The following PLEKHA5 variants were observed in gnomAD, a reference collection of about 807,000 sequenced individuals.
The protein encoded by PLEKHA5 is pleckstrin homology domain containing A5, also known as pleckstrin homology domain-containing family A member 5.
A neutral mutation model predicts 181.9 loss-of-function variants in PLEKHA5; 55 were observed. The ratio of observed to expected loss-of-function variants is 0.30; its 90% CI spans 0.24 to 0.38. The LOEUF (loss-of-function observed/expected upper bound fraction) is 0.38, where lower values mean the gene tolerates loss of function less well. Among genes scored for constraint, PLEKHA5 ranks in the 10% least tolerant of loss-of-function variants. The pLI is 1.00. For synonymous variants in PLEKHA5, 535 were observed against 529.4 expected, an observed-to-expected ratio of 1.01 and a Z score of -0.15; for missense variants, 1,432 against 1,549.5, an observed-to-expected ratio of 0.92 and a Z score of 1.27.
intron 28 of PLEKHA5, among the ~76,000 whole-genome samples, chr12:19,359,969 C>CAA (rs565963117): frequency 2.2e-5 from 3 of 133,548 alleles, no homozygotes; most frequent in African/African-American, 8.3e-5. Context: ...GACTCCATCT[C>CAA]AAAAAAAAAA....
At chr12:19,237,685 A>ATTTAAAGAAATTAAGAAGTTTCTTAATTT (rs1328197248) in intron 3 of PLEKHA5, among the ~76,000 whole-genome samples, 4 of 152,028 alleles carry the variant, frequency 2.6e-5, no homozygotes, top group African/African-American at 7.2e-5. Flanking sequence ...TTTATTTAGC[A>ATTTAAAGAAATTAAGAAGTTTCTTAATTT]TTTAAAGAAA....
At chr12:19,345,230 T>C (rs902532469) in intron 22 of PLEKHA5, among the ~76,000 whole-genome samples, 1 of 151,344 alleles carries the variant, frequency 6.6e-6, no homozygotes, top group Admixed American at 6.6e-5. Flanking sequence ...TGAGACCCCA[T>C]CTCTACTAAA....
chr12:19,210,951 A>G (rs1170563150), intron 3 of PLEKHA5, among the ~76,000 whole-genome samples: 3 of 152,134 alleles, frequency 2.0e-5, no homozygotes, highest in African/African-American at 7.2e-5. Context: ...CTATTTATAA[A>G]TTTTAACAAT....
intron 3 of PLEKHA5, among the ~76,000 whole-genome samples, chr12:19,158,071 G>A (rs2042162663): frequency 6.6e-6 from 1 of 152,064 alleles, no homozygotes; most frequent in Non-Finnish European, 1.5e-5. Flanking sequence ...GGCGGGTGCT[G>A]GGATTACAGG....
At chr12:19,284,357 C>T (rs997871815) in intron 12 of PLEKHA5, among the ~76,000 whole-genome samples, 1 of 152,156 alleles carries the variant, frequency 6.6e-6, no homozygotes, top group East Asian at 1.9e-4. Flanking sequence ...GTGTGAGCCA[C>T]TGTGCCTGGC....
chr12:19,227,500 GTTCC>G (rs748930819), intron 3 of PLEKHA5, among the ~76,000 whole-genome samples: 5 of 152,044 alleles, frequency 3.3e-5, no homozygotes, highest in Admixed American at 6.5e-5. Context: ...TGGAATCAGA[GTTCC>G]TTCCATTTTC....
At chr12:19,305,623 C>T (rs1592406917) in intron 15 of PLEKHA5, among the ~76,000 whole-genome samples, 1 of 151,180 alleles carries the variant, frequency 6.6e-6, no homozygotes, top group African/African-American at 2.4e-5. Context: ...CTTTGGGAGG[C>T]CAAGGCGGAC....
intron 3 of PLEKHA5, among the ~76,000 whole-genome samples, chr12:19,162,956 A>C (rs910504852): frequency 6.6e-6 from 1 of 152,178 alleles, no homozygotes; most frequent in African/African-American, 2.4e-5. Context: ...TCTTCATTTT[A>C]TGCAGAGAAA....
intron 3 of PLEKHA5, among the ~76,000 whole-genome samples, chr12:19,164,597 C>A (rs1012066062): frequency 1.3e-5 from 2 of 152,052 alleles, no homozygotes; most frequent in Admixed American, 6.6e-5. Context: ...CCTTAAAATC[C>A]CCTTCTTTAC....
At chr12:19,215,197 A>T (rs980943282) in intron 3 of PLEKHA5, among the ~76,000 whole-genome samples, 2 of 152,190 alleles carry the variant, frequency 1.3e-5, no homozygotes, top group Non-Finnish European at 2.9e-5. Flanking sequence ...AATTGCTCTA[A>T]AATGTATCTG....
At chr12:19,362,247 CAT>C (rs2095272267) in intron 29 of PLEKHA5, among the ~76,000 whole-genome samples, 1 of 146,554 alleles carries the variant, frequency 6.8e-6, no homozygotes, top group Non-Finnish European at 1.5e-5. Context: ...TACGAAAACA[CAT>C]GTGGCCAGGA....
intron 26 of PLEKHA5, among the ~76,000 whole-genome samples, chr12:19,354,354 C>T (rs977261803): frequency 4.8e-5 from 7 of 147,146 alleles, no homozygotes; most frequent in South Asian, 2.1e-4. Context: ...GGGGTTTCAC[C>T]GTGTTAGCCA....
intron 3 of PLEKHA5, among the ~76,000 whole-genome samples, chr12:19,234,496 G>A (rs371469869): frequency 1.3e-5 from 2 of 152,248 alleles, no homozygotes; most frequent in South Asian, 2.1e-4. Context: ...AACTTCATAA[G>A]CCAAACACTT....
intron 3 of PLEKHA5, among the ~76,000 whole-genome samples, chr12:19,190,951 T>C (rs1591997889): frequency 6.6e-6 from 1 of 152,224 alleles, no homozygotes; most frequent in East Asian, 1.9e-4. Flanking sequence ...GAACATGAGC[T>C]GGCAGCTAAC....
At chr12:19,353,404 G>A (rs186058620) in intron 25 of PLEKHA5, among the ~76,000 whole-genome samples, 5 of 152,160 alleles carry the variant, frequency 3.3e-5, no homozygotes, top group African/African-American at 4.8e-5. Context: ...TGATTCACCC[G>A]CCTCAGCCTC....
chr12:19,305,776 C>T (rs11044484), intron 15 of PLEKHA5, among the ~76,000 whole-genome samples: 1 of 135,188 alleles, frequency 7.4e-6, no homozygotes, highest in Middle Eastern at 4.9e-3. Flanking sequence ...AGGAGAATCG[C>T]TTCAACCTGG....
intron 15 of PLEKHA5, among the ~76,000 whole-genome samples, chr12:19,297,932 A>G (rs2080332930): frequency 6.6e-6 from 1 of 151,576 alleles, no homozygotes; most frequent in Non-Finnish European, 1.5e-5. Context: ...TGGGCTGGGC[A>G]CAGTGGCTCA....
At chr12:19,334,119 C>CT (rs2093125416) in intron 20 of PLEKHA5, among the ~76,000 whole-genome samples, 1 of 152,082 alleles carries the variant, frequency 6.6e-6, no homozygotes, top group South Asian at 2.1e-4. Context: ...CTAGTAAATT[C>CT]TTTAATGAAA....
intron 29 of PLEKHA5, among the ~76,000 whole-genome samples, chr12:19,364,079 A>G (rs1269734972): frequency 1.3e-5 from 2 of 152,226 alleles, no homozygotes; most frequent in Non-Finnish European, 2.9e-5. Flanking sequence ...AGGATGCTAG[A>G]GAATCAACTT....
Sources: allele counts gnomAD v4.1 joint callset (sites outside exome capture counted in the v4.1 genomes callset), GRCh38; gene constraint gnomAD v4.1.1; transcripts MANE v1.5; gene names NCBI Gene and HGNC (gene_info 2026-07-23, HGNC 2026-07-21).